Variants in UXS1 observed in about 807,000 individuals in gnomAD.
UXS1 encodes the protein UDP-glucuronate decarboxylase 1.
Under a neutral mutation model 62.6 loss-of-function variants are expected in UXS1, and 33 were observed. The ratio of observed to expected loss-of-function variants is 0.53; its 90% CI spans 0.40 to 0.70. The LOEUF (loss-of-function observed/expected upper bound fraction) is 0.70, where lower values mean the gene tolerates loss of function less well. Ranked by LOEUF, UXS1 falls within the 30% of genes least tolerant of loss-of-function variation. UXS1 has a pLI of 0.00. For synonymous variants in UXS1, 213 were observed against 206.8 expected (o/e 1.03, Z -0.26); for missense variants, 434 against 556.3 (o/e 0.78, Z 2.21).
At position 106,145,084 on chromosome 2, in the gene UXS1, T is replaced by C. The variant is rs775128146; in HGVS notation, c.472+106A>G. 12 of 1,260,650 alleles carry C rather than the reference T, an allele frequency of 9.5e-6. No homozygotes were observed. In the Admixed American group the frequency reaches 2.0e-4, roughly 21 times the overall value. The allele number at this position is 1,260,650 out of a possible 1,614,324, so 78.1% of individuals were successfully genotyped here. A position where few individuals can be genotyped will look rare whatever the true frequency, so the allele number is the denominator to read the frequency against. ...GACATTTCAAAAATAAAACCCAACA[T>C]AGCTTTCAATGTGCTGAGTCAAACA... On this transcript the variant is annotated intron_variant, in intron 6 of 14. Coordinates refer to ENST00000283148, the MANE Select transcript of UXS1 (RefSeq NM_001253875.2).
intron 1 of UXS1, among the ~76,000 whole-genome samples, chr2:106,193,643 C>T (rs1171661702): frequency 1.3e-5 from 2 of 152,202 alleles, no homozygotes; most frequent in African/African-American, 4.8e-5. Flanking sequence ...CCACACTTGG[C>T]TCCCCAAGAG....
chr2:106,104,220 C>T (rs1201035900), intron 11 of UXS1, among the ~76,000 whole-genome samples: 1 of 152,142 alleles, frequency 6.6e-6, no homozygotes, highest in African/African-American at 2.4e-5. Context: ...TCTGAGAATC[C>T]ACACTGCCTT....
chr2:106,111,435 G>A (rs1346083430), intron 10 of UXS1, among the ~76,000 whole-genome samples: 2 of 152,186 alleles, frequency 1.3e-5, no homozygotes, highest in Admixed American at 6.5e-5. Context: ...ATACAATGCA[G>A]TTGCCCTTGG....
intron 13 of UXS1, 33 bp downstream of exon 13, chr2:106,098,683 G>T: frequency 6.3e-7 from 1 of 1,577,206 alleles, no homozygotes; most frequent in South Asian, 1.1e-5. Context: ...AGGCACAGTC[G>T]ATTTTACTCA....
At chr2:106,098,567 T>C in intron 13 of UXS1, 149 bp downstream of exon 13, 2 of 682,924 alleles carry the variant, frequency 2.9e-6, no homozygotes, top group South Asian at 2.0e-5. Context: ...CCTTAAAAAT[T>C]AGAAAACACT....
intron 11 of UXS1, 48 bp downstream of exon 11, chr2:106,104,746 C>T: frequency 6.2e-7 from 1 of 1,612,852 alleles, no homozygotes; most frequent in Non-Finnish European, 8.5e-7. Context: ...TGGCATGACC[C>T]CTGCTCCAAA....
At chr2:106,110,351 T>C (rs555170947) in intron 10 of UXS1, among the ~76,000 whole-genome samples, 1 of 152,218 alleles carries the variant, frequency 6.6e-6, no homozygotes, top group Admixed American at 6.5e-5. Flanking sequence ...ATGCATGCAT[T>C]CTTGGGGAGG....
chr2:106,102,808 T>G (rs4851918), intron 11 of UXS1: 113,459 of 152,114 alleles, frequency 0.75, 42,622 homozygotes, highest in South Asian at 0.78. Context: ...AATGAACTCA[T>G]CTGAGTCCTC....
At chr2:106,128,165 CAG>C (rs1360858693) in intron 7 of UXS1, among the ~76,000 whole-genome samples, 2 of 152,058 alleles carry the variant, frequency 1.3e-5, no homozygotes, top group African/African-American at 4.8e-5. Flanking sequence ...GGGGGCGGGA[CAG>C]AGAGAGTGTA....
chr2:106,175,751 T>G (rs1432885872), intron 1 of UXS1, among the ~76,000 whole-genome samples: 1 of 152,146 alleles, frequency 6.6e-6, no homozygotes, highest in Non-Finnish European at 1.5e-5. Flanking sequence ...AGAAGCCCCC[T>G]GCAAGTGGAT....
chr2:106,161,182 CA>C (rs1682868584), intron 4 of UXS1, among the ~76,000 whole-genome samples: 1 of 151,572 alleles, frequency 6.6e-6, no homozygotes. Flanking sequence ...GGCAGGAGCA[CA>C]AGGCCTTTTT....
chr2:106,099,632 C>T (rs10198354), intron 12 of UXS1, among the ~76,000 whole-genome samples: 320 of 152,104 alleles, frequency 2.1e-3, no homozygotes, highest in Non-Finnish European at 3.8e-3. Flanking sequence ...AAGGCCCTCC[C>T]CAAAGAGGGA....
intron 6 of UXS1, among the ~76,000 whole-genome samples, chr2:106,144,925 T>A (rs1573503647): frequency 6.6e-6 from 1 of 152,166 alleles, no homozygotes; most frequent in Non-Finnish European, 1.5e-5. Flanking sequence ...AGCAGATGTG[T>A]ACTACAGGAA....
At chr2:106,096,226 G>A (rs572776314) in intron 14 of UXS1, among the ~76,000 whole-genome samples, 1 of 152,140 alleles carries the variant, frequency 6.6e-6, no homozygotes, top group East Asian at 1.9e-4. Context: ...GAGAGGGAGT[G>A]TATGTGTGAA....
chr2:106,100,893 C>G (rs770461232), intron 12 of UXS1, 165 bp downstream of exon 12: 2 of 860,600 alleles, frequency 2.3e-6, no homozygotes, highest in Admixed American at 4.8e-5. Flanking sequence ...TTTGTATACT[C>G]TTACTTTGTG....
Position 106,107,454 on chromosome 2 carries a change from C to A in UXS1, c.880-2617G>T, listed in dbSNP as rs117589099. On this transcript the variant is annotated intron_variant, in intron 10 of 14. Transcript: ENST00000283148. The stretch of plus-strand genomic sequence containing the variant: ...GTGGCAGCTTTCCATTCCACCGAAA[C>A]ATGCTGACCCCAAGCCCTGGAGGAA... Among the ~76,000 whole-genome samples, 76 of 152,330 alleles carry A rather than the reference C, an allele frequency of 5.0e-4. 1 individual carries two copies. The East Asian group carries it at 0.014, about 28-fold the overall frequency.
intron 9 of UXS1, among the ~76,000 whole-genome samples, chr2:106,119,666 T>A (rs1679362412): frequency 6.6e-6 from 1 of 151,994 alleles, no homozygotes; most frequent in East Asian, 1.9e-4. Flanking sequence ...AAAATAACAA[T>A]CACTTTGGAG....
At chr2:106,153,492 G>A (rs1221977620) in intron 5 of UXS1, among the ~76,000 whole-genome samples, 1 of 151,906 alleles carries the variant, frequency 6.6e-6, no homozygotes, top group African/African-American at 2.4e-5. Flanking sequence ...GGACGGAATA[G>A]GAAACACTTC....
chr2:106,114,381 A>T (rs1451652594), intron 9 of UXS1, among the ~76,000 whole-genome samples: 2 of 152,200 alleles, frequency 1.3e-5, no homozygotes, highest in Non-Finnish European at 2.9e-5. Flanking sequence ...TCTCCACCGA[A>T]CTAATGAGTG....
Sources: allele counts gnomAD v4.1 joint callset (sites outside exome capture counted in the v4.1 genomes callset), GRCh38; gene constraint gnomAD v4.1.1; transcripts MANE v1.5; gene names NCBI Gene and HGNC (gene_info 2026-07-23, HGNC 2026-07-21).